PLEKHM3: variants seen among roughly 807,000 people sequenced by gnomAD.
PLEKHM3 encodes the protein pleckstrin homology domain containing M3.
A neutral mutation model predicts 81.8 loss-of-function variants in PLEKHM3; 45 were observed. The ratio of observed to expected loss-of-function variants is 0.55; its 90% CI spans 0.43 to 0.71. PLEKHM3 has a LOEUF of 0.71. PLEKHM3 is among the 30% of genes least tolerant of loss of function. PLEKHM3 has a pLI of 0.00. For missense variants in PLEKHM3, 788 were observed against 924.3 expected (o/e 0.85, Z 1.91); for synonymous variants, 352 against 356.4 (o/e 0.99, Z 0.14).
At chr2:207,903,067 T>C (rs998549966) in intron 6 of PLEKHM3, among the ~76,000 whole-genome samples, 21 of 152,148 alleles carry the variant, frequency 1.4e-4, no homozygotes, top group African/African-American at 5.1e-4. Flanking sequence ...CACAACTCTT[T>C]AGTAAGTACT....
At chr2:207,924,900 G>A (rs1394689568) in intron 5 of PLEKHM3, among the ~76,000 whole-genome samples, 3 of 152,022 alleles carry the variant, frequency 2.0e-5, no homozygotes, top group Non-Finnish European at 2.9e-5. Flanking sequence ...GGGGAGACTC[G>A]GACAGGACAG....
intron 6 of PLEKHM3, among the ~76,000 whole-genome samples, chr2:207,862,556 T>G (rs2092473317): frequency 6.6e-6 from 1 of 152,124 alleles, no homozygotes. Context: ...GAGAATCACT[T>G]GAACCTGGGA....
intron 6 of PLEKHM3, among the ~76,000 whole-genome samples, chr2:207,904,260 A>T (rs948228042): frequency 6.6e-6 from 1 of 152,166 alleles, no homozygotes; most frequent in Non-Finnish European, 1.5e-5. Flanking sequence ...TTTTTCTAAC[A>T]ATATCTAGTT....
intron 7 of PLEKHM3, among the ~76,000 whole-genome samples, chr2:207,848,305 T>A (rs890530755): frequency 2.0e-5 from 3 of 152,182 alleles, no homozygotes; most frequent in Admixed American, 6.5e-5. Flanking sequence ...AAACTACAGC[T>A]GGTTCCTCAG....
At chr2:207,959,050 A>G (rs966812740) in intron 3 of PLEKHM3, among the ~76,000 whole-genome samples, 4 of 152,190 alleles carry the variant, frequency 2.6e-5, no homozygotes, top group Non-Finnish European at 5.9e-5. Context: ...TTAAGCTTTT[A>G]TATTTTGTTC....
intron 6 of PLEKHM3, among the ~76,000 whole-genome samples, chr2:207,865,781 C>CAAAAAAAAAAAAAAAA: frequency 2.6e-4 from 1 of 3,796 alleles, no homozygotes; most frequent in Non-Finnish European, 5.5e-4. Context: ...AACTCCGACT[C>CAAAAAAAAAAAAAAAA]AAAAAAAAAA....
At chr2:208,000,905 A>C (rs1185294902) in intron 2 of PLEKHM3, 125 bp downstream of exon 2, 2 of 924,440 alleles carry the variant, frequency 2.2e-6, no homozygotes, top group African/African-American at 3.4e-5. Context: ...CCAGATTAAG[A>C]GAGACAAAGG....
At chr2:207,867,461 G>A (rs1431669095) in intron 6 of PLEKHM3, among the ~76,000 whole-genome samples, 1 of 152,046 alleles carries the variant, frequency 6.6e-6, no homozygotes, top group Non-Finnish European at 1.5e-5. Context: ...TTTTCCAGGG[G>A]TAAAGATATA....
intron 6 of PLEKHM3, among the ~76,000 whole-genome samples, chr2:207,904,676 T>C (rs974291791): frequency 5.3e-5 from 8 of 152,230 alleles, no homozygotes. Flanking sequence ...CAATCCTTGC[T>C]ATTTCTTTCC....
chr2:207,996,125 G>C (rs1338493670), intron 2 of PLEKHM3, among the ~76,000 whole-genome samples: 3 of 152,328 alleles, frequency 2.0e-5, no homozygotes, highest in African/African-American at 7.2e-5. Flanking sequence ...TCCAAGACCA[G>C]AGTAACATTC....
intron 7 of PLEKHM3, among the ~76,000 whole-genome samples, chr2:207,835,599 A>G (rs1210650327): frequency 2.0e-5 from 3 of 152,194 alleles, no homozygotes; most frequent in Admixed American, 2.0e-4. Context: ...TCTCAAACTC[A>G]TAAGCTGGGA....
intron 4 of PLEKHM3, among the ~76,000 whole-genome samples, chr2:207,935,752 C>G (rs947354597): frequency 1.3e-5 from 2 of 152,156 alleles, no homozygotes; most frequent in Admixed American, 6.5e-5. Context: ...ATTCACAATT[C>G]TTATTTTTTA....
intron 1 of PLEKHM3, among the ~76,000 whole-genome samples, chr2:208,010,803 T>C (rs1692662514): frequency 6.6e-6 from 1 of 152,196 alleles, no homozygotes; most frequent in African/African-American, 2.4e-5. Context: ...TAATAGAGGC[T>C]GTGTTTCTAA....
At chr2:207,924,241 A>T (rs2105928117) in intron 5 of PLEKHM3, among the ~76,000 whole-genome samples, 1 of 152,094 alleles carries the variant, frequency 6.6e-6, no homozygotes, top group East Asian at 1.9e-4. Flanking sequence ...AATAATTTCA[A>T]TTTGAAGTGG....
At chr2:207,991,594 G>C (rs573652752) in intron 2 of PLEKHM3, among the ~76,000 whole-genome samples, 41 of 89,766 alleles carry the variant, frequency 4.6e-4, no homozygotes, top group African/African-American at 1.2e-3. Flanking sequence ...GTGCTATTGG[G>C]AGCCTCTGGA....
intron 6 of PLEKHM3, among the ~76,000 whole-genome samples, chr2:207,870,839 G>A (rs565451519): frequency 1.4e-4 from 22 of 152,300 alleles, no homozygotes; most frequent in Non-Finnish European, 3.1e-4. Flanking sequence ...TGGATGTGGG[G>A]GCTGATGCCT....
At chr2:207,863,700 G>A (rs749304104) in intron 6 of PLEKHM3, among the ~76,000 whole-genome samples, 20 of 152,252 alleles carry the variant, frequency 1.3e-4, no homozygotes, top group Non-Finnish European at 2.4e-4. Context: ...GTAAGCAGCC[G>A]TGGGCTGTGG....
intron 3 of PLEKHM3, among the ~76,000 whole-genome samples, chr2:207,953,330 C>T (rs1482249676): frequency 1.3e-5 from 2 of 152,180 alleles, no homozygotes; most frequent in African/African-American, 4.8e-5. Context: ...CAAATACAAT[C>T]CTGAAATGTA....
At chr2:207,927,160 G>A (rs1410298563) in intron 5 of PLEKHM3, among the ~76,000 whole-genome samples, 2 of 152,128 alleles carry the variant, frequency 1.3e-5, no homozygotes, top group Admixed American at 1.3e-4. Flanking sequence ...GGATATATGA[G>A]ATTAGTTAAG....
Sources: allele counts gnomAD v4.1 joint callset (sites outside exome capture counted in the v4.1 genomes callset), GRCh38; gene constraint gnomAD v4.1.1; transcripts MANE v1.5; gene names NCBI Gene and HGNC (gene_info 2026-07-23, HGNC 2026-07-21).